PGM2: variants seen among roughly 807,000 people sequenced by gnomAD.
PGM2 encodes the protein phosphopentomutase.
Under a neutral mutation model 74.6 loss-of-function variants are expected in PGM2, and 57 were observed. The observed-to-expected ratio is 0.76, with a 90% CI of 0.62 to 0.95. The LOEUF (loss-of-function observed/expected upper bound fraction) is 0.95, where lower values mean the gene tolerates loss of function less well. PGM2 is among the 40% of genes least tolerant of loss of function. The probability of loss-of-function intolerance (pLI) is 0.00; values close to 1 mark genes in which losing one functional copy is unlikely to be tolerated. For missense variants in PGM2, 706 were observed against 741.9 expected (o/e 0.95, Z 0.56); for synonymous variants, 273 against 260.7 (o/e 1.05, Z -0.46).
intron 8 of PGM2, among the ~76,000 whole-genome samples, chr4:37,846,353 A>G (rs1725871718): frequency 6.6e-6 from 1 of 152,212 alleles, no homozygotes; most frequent in Non-Finnish European, 1.5e-5. Flanking sequence ...GTGATAAAAC[A>G]GGTTCCATTC....
At chr4:37,835,972 G>A (rs572349974) in intron 3 of PGM2, among the ~76,000 whole-genome samples, 1 of 152,362 alleles carries the variant, frequency 6.6e-6, no homozygotes, top group South Asian at 2.1e-4. Flanking sequence ...GTTAGTGGAT[G>A]TACAATCAGA....
intron 6 of PGM2, among the ~76,000 whole-genome samples, chr4:37,842,467 A>G (rs1290753441): frequency 3.3e-5 from 5 of 151,674 alleles, no homozygotes; most frequent in Non-Finnish European, 5.9e-5. Flanking sequence ...TTTTAATTTT[A>G]TATGGGGCAT....
rs3822185 is a variant in PGM2, at chr4:37,861,068, A to G, written c.1737-442A>G. On this transcript the variant is annotated intron_variant, in intron 13 of 13. Transcript: ENST00000381967. ...GCTTAGGTGCCAGTAGTTTGAGGGC[A>G]GACATCATCACAAATGTCTGTATTC... Among the ~76,000 whole-genome samples, 2,217 of 152,268 alleles carry G rather than the reference A, an allele frequency of 0.015. 168 individuals carry two copies. The East Asian group carries it at 0.23, about 16-fold the overall frequency.
At chr4:37,858,026 T>C in intron 13 of PGM2, among the ~76,000 whole-genome samples, 1 of 152,216 alleles carries the variant, frequency 6.6e-6, no homozygotes, top group Admixed American at 6.6e-5. Flanking sequence ...CCTTTCCTTT[T>C]CATTATCTGA....
rs1725977403 is a variant in PGM2, at chr4:37,849,521, C to T, written c.1413-663C>T. Among the ~76,000 whole-genome samples, 8 of 149,428 alleles carry T rather than the reference C, an allele frequency of 5.4e-5. No individual in the cohort carries two copies. In the South Asian group the frequency reaches 1.7e-3, roughly 32 times the overall value. On this transcript the variant is annotated intron_variant, in intron 11 of 13. Transcript: ENST00000381967. ...CTGCCTCCTGGGTTCAAGCAATTCT[C>T]CTACCTCAGCCTCCCGGGTAACTGG...
At position 37,845,640 on chromosome 4, in the gene PGM2, C is replaced by T; in HGVS notation, c.917C>T (p.Ser306Phe). 1.9e-6 allele frequency: 3 copies of T among 1,604,452 alleles called. No homozygotes were observed. Among genetic ancestry groups the T allele is most frequent in the Non-Finnish European group, 2.6e-6 (3 of 1,171,344 alleles). Residue 306 changes from serine to phenylalanine, a missense_variant, in exon 8 of 14, where the codon TCT (serine) becomes TTT (phenylalanine). Coordinates refer to ENST00000381967, the MANE Select transcript of PGM2 (RefSeq NM_018290.4). The stretch of plus-strand genomic sequence containing the variant: ...TTTCATATTCTTCTTCAGACTTTGT[C>T]TTTTGCTTTGGCTGACAAAACCAAG... Reference protein sequence around the residue: ...PEEGKGVLTLSFALADKTKAR... With the variant: ...PEEGKGVLTLFFALADKTKAR...
At chr4:37,857,610 C>T (rs999103233) in intron 13 of PGM2, among the ~76,000 whole-genome samples, 1 of 152,164 alleles carries the variant, frequency 6.6e-6, no homozygotes, top group Non-Finnish European at 1.5e-5. Context: ...AATACAGCTC[C>T]ACTCCAACAC....
chr4:37,830,264 C>T, intron 2 of PGM2, 133 bp downstream of exon 2: 1 of 577,744 alleles, frequency 1.7e-6, no homozygotes, highest in South Asian at 3.1e-5. Flanking sequence ...CCACCATTTA[C>T]TCCATAAAGT....
At chr4:37,840,866 G>C (rs1243641124) in intron 6 of PGM2, among the ~76,000 whole-genome samples, 4 of 151,920 alleles carry the variant, frequency 2.6e-5, no homozygotes, top group African/African-American at 7.2e-5. Flanking sequence ...ACAGAAGTGG[G>C]TGGCTTGCCC....
chr4:37,839,060 T>C (rs922605220), intron 4 of PGM2, among the ~76,000 whole-genome samples: 1 of 151,606 alleles, frequency 6.6e-6, no homozygotes, highest in Non-Finnish European at 1.5e-5. Context: ...TATTTAACCC[T>C]GGAGTGAGAG....
intron 12 of PGM2, among the ~76,000 whole-genome samples, 194 bp from the exon 13 acceptor site, chr4:37,855,414 A>G (rs1441754905): frequency 6.6e-6 from 1 of 152,252 alleles, no homozygotes; most frequent in African/African-American, 2.4e-5. Context: ...TCCATATAGT[A>G]GACCACATAT....
In PGM2 at chr4:37,855,712, T is replaced by C. The variant is rs200360548; in HGVS notation, c.1707T>C (p.Tyr569=). The C allele has an allele frequency of 6.2e-7, 1 of 1,613,338 alleles. No homozygotes were observed. The highest frequency in any genetic ancestry group is 8.5e-7 in the Non-Finnish European group (1 of 1,179,774). ...GGACAGAGCCCAAAATCAAGTACTA[T>C]GCAGAGCTGTGTGCCCCACCTGGGA... The part of the protein sequence containing the change: ...TSGTEPKIKY[Y]AELCAPPGNS... The change falls in exon 13 of 14, where the codon TAT becomes TAC. Residue 569 remains tyrosine, a synonymous_variant. Transcript: ENST00000381967.
intron 13 of PGM2, among the ~76,000 whole-genome samples, chr4:37,858,799 TA>T (rs1229956593): frequency 6.6e-6 from 1 of 152,204 alleles, no homozygotes; most frequent in Non-Finnish European, 1.5e-5. Flanking sequence ...TGTGCTGCTT[TA>T]AAAATATATT....
At chr4:37,856,034 A>G (rs189371093) in intron 13 of PGM2, among the ~76,000 whole-genome samples, 1 of 152,282 alleles carries the variant, frequency 6.6e-6, no homozygotes, top group Admixed American at 6.5e-5. Context: ...GGTAGCTAAC[A>G]CCAATGAGAT....
chr4:37,835,547 A>T (rs1162931988), intron 3 of PGM2, among the ~76,000 whole-genome samples: 3 of 152,234 alleles, frequency 2.0e-5, no homozygotes, highest in African/African-American at 7.2e-5. Flanking sequence ...TTACTTGAAC[A>T]CTTCCTCTGT....
In PGM2 at chr4:37,840,257, C is replaced by T. The variant is rs762089923; in HGVS notation, c.717C>T (p.His239=). ...AAGACCTTAAAAAGTACTGTTTCCA[C>T]AGGTAAATGAATTGTGTCTTCACTG... ...YFEDLKKYCF[H]RSVNRETKVK... is the part of the protein sequence containing the mutation. Residue 239 remains histidine (H), a splice_region_variant and synonymous_variant, in exon 6 of 14, where the codon CAC becomes CAT. Coordinates refer to ENST00000381967, the MANE Select transcript of PGM2 (RefSeq NM_018290.4). 1 of 1,581,714 alleles carries T rather than the reference C, an allele frequency of 6.3e-7. No individual in the cohort carries two copies. The highest frequency in any genetic ancestry group is 8.7e-7 in the Non-Finnish European group (1 of 1,150,860).
At chr4:37,832,320 A>G (rs1392694637) in intron 2 of PGM2, among the ~76,000 whole-genome samples, 1 of 152,220 alleles carries the variant, frequency 6.6e-6, no homozygotes. Flanking sequence ...CCCAGAACAA[A>G]CAACCCAGGT....
At chr4:37,831,554 G>A (rs770946038) in intron 2 of PGM2, among the ~76,000 whole-genome samples, 5 of 152,190 alleles carry the variant, frequency 3.3e-5, no homozygotes, top group East Asian at 1.9e-4. Context: ...TCATTCACAC[G>A]TCTGAAATTA....
intron 13 of PGM2, among the ~76,000 whole-genome samples, chr4:37,856,162 G>A (rs1443030852): frequency 6.6e-6 from 1 of 152,034 alleles, no homozygotes; most frequent in Admixed American, 6.6e-5. Flanking sequence ...GAGGCAGGCG[G>A]ATCACGAGGT....
Sources: allele counts gnomAD v4.1 joint callset (sites outside exome capture counted in the v4.1 genomes callset), GRCh38; gene constraint gnomAD v4.1.1; transcripts MANE v1.5; gene names NCBI Gene and HGNC (gene_info 2026-07-23, HGNC 2026-07-21).